The following NUP58 variants were observed in gnomAD, a reference collection of about 807,000 sequenced individuals.
The protein encoded by NUP58 is nucleoporin p58/p45.
In NUP58, 17 loss-of-function variants were observed where a neutral mutation model predicts 70.1. The observed-to-expected ratio is 0.24, with a 90% CI of 0.17 to 0.36. NUP58 has a LOEUF of 0.36. Among genes scored for constraint, NUP58 ranks in the 10% least tolerant of loss-of-function variants. NUP58 has a pLI of 1.00. For missense variants in NUP58, 644 were observed against 701.5 expected (o/e 0.92, Z 0.93); for synonymous variants, 275 against 257.6 (o/e 1.07, Z -0.65).
chr13:25,338,891 ATC>A (rs2031871276), intron 15 of NUP58, 160 bp downstream of exon 15: 3 of 500,712 alleles, frequency 6.0e-6, no homozygotes, highest in Middle Eastern at 4.8e-4. Context: ...ATTTTACTTT[ATC>A]TCTCTCATAA....
chr13:25,322,060 G>A (rs2031209505), intron 9 of NUP58, among the ~76,000 whole-genome samples: 1 of 152,168 alleles, frequency 6.6e-6, no homozygotes, highest in Non-Finnish European at 1.5e-5. Context: ...AAAGGATGAC[G>A]ATAGGTGATT....
intron 3 of NUP58, among the ~76,000 whole-genome samples, chr13:25,311,890 G>A (rs2030687763): frequency 6.6e-6 from 1 of 152,150 alleles, no homozygotes; most frequent in East Asian, 1.9e-4. Context: ...AGGAAAGGAT[G>A]TCAAGGATGA....
At position 25,331,394 on chromosome 13, in the gene NUP58, T is replaced by A. The variant is rs751322682; in HGVS notation, c.1271T>A (p.Phe424Tyr). The A allele has an allele frequency of 3.7e-6, 6 of 1,614,148 alleles. No homozygotes were observed. Among genetic ancestry groups the A allele is most frequent in the Non-Finnish European group, 5.1e-6 (6 of 1,179,996 alleles). ...CAGTACCTTGGCTACAGGAAAATGT[T>A]CTTGGGAGATGCTGTTGATGTGTTT... is the stretch of plus-strand genomic sequence containing the variant. ...KEQYLGYRKM[F>Y]LGDAVDVFET... The change falls in exon 13 of 16, where the codon TTC becomes TAC. Residue 424 changes from phenylalanine (F) to tyrosine (Y), a missense_variant. Phe to Tyr is a conservative substitution (Grantham distance 22). This residue lies in a region of NUP58 where 78 missense variants were observed against 71.3 expected (regional missense o/e 1.09). Transcript: ENST00000381736.
At chr13:25,315,287 G>A in intron 5 of NUP58, 70 bp from the exon 6 acceptor site, 2 of 1,068,544 alleles carry the variant, frequency 1.9e-6, no homozygotes, top group Non-Finnish European at 2.8e-6. Context: ...AAGCATTAGA[G>A]TCCTTTGATC....
At position 25,340,252 on chromosome 13, in the gene NUP58, TC is replaced by T; in HGVS notation, c.*121del. 9.9e-7 allele frequency: 1 copy of T among 1,008,076 alleles called. No individual in the cohort carries two copies. The highest frequency in any genetic ancestry group is 1.4e-6 in the Non-Finnish European group (1 of 738,796). 62.4% of individuals were successfully genotyped at this position (1,008,076 alleles called of 1,614,324 possible). On this transcript the variant is annotated 3_prime_UTR_variant, in exon 16 of 16. Transcript: ENST00000381736. ...GAGATTTATAAAGTTTTGATATTTT[TC>T]CCTACTCTGGAATTTGAACTTTCTT...
chr13:25,320,455 A>G lies in NUP58; in HGVS notation c.711-75A>G, dbSNP rs1051689786. The stretch of plus-strand genomic sequence containing the variant: ...ATATTTTCTTGTGTCTTAATACTCT[A>G]ATACTCTATTAAAACTCAGCTGTCA... On this transcript the variant is annotated intron_variant, in intron 7 of 15. Transcript: ENST00000381736. 9 of 986,426 alleles carry G rather than the reference A, an allele frequency of 9.1e-6. No individual in the cohort carries two copies. The African/African-American group carries it at 1.5e-4, about 16-fold the overall frequency. 61.1% of individuals were successfully genotyped at this position (986,426 alleles called of 1,614,324 possible). A position where few individuals can be genotyped will look rare whatever the true frequency, so the allele number is the denominator to read the frequency against.
At chr13:25,312,851 T>A in intron 3 of NUP58, 32 bp from the exon 4 acceptor site, 1 of 1,553,430 alleles carries the variant, frequency 6.4e-7, no homozygotes, top group East Asian at 2.4e-5. Flanking sequence ...GGATTTTTGT[T>A]TGTTTGTTTA....
At chr13:25,308,151 C>T (rs9581316) in intron 2 of NUP58, 58,228 of 441,198 alleles carry the variant, frequency 0.13, 5,689 homozygotes, top group East Asian at 0.36. Context: ...TCTGATATAA[C>T]GAAGGAAAAC....
chr13:25,319,023 A>G (rs993008500), intron 6 of NUP58, among the ~76,000 whole-genome samples: 4 of 152,284 alleles, frequency 2.6e-5, no homozygotes, highest in Admixed American at 6.5e-5. Flanking sequence ...GCTTATGTGT[A>G]CAGATGTCTT....
chr13:25,302,858 T>C, intron 1 of NUP58: 1 of 422,534 alleles, frequency 2.4e-6, no homozygotes, highest in Non-Finnish European at 4.7e-6. Context: ...CCGTTATTCT[T>C]ACTCTACTCG....
chr13:25,301,869 G>A lies in NUP58; in HGVS notation c.96G>A (p.Thr32=), dbSNP rs11556094. 7.4e-6 allele frequency: 12 copies of A among 1,611,758 alleles called. No homozygotes were observed. The Admixed American group carries it at 1.0e-4, about 13-fold the overall frequency. ...TSTGGVFSFG[T]GASSNPSVGL... is the part of the protein sequence containing the mutation. Reference sequence around the variant, plus strand: ...CAGGCGGCGTTTTCTCCTTCGGAACGGGAGCGTCTAGGTAACCGCACTTTC... The same window carrying A: ...CAGGCGGCGTTTTCTCCTTCGGAACAGGAGCGTCTAGGTAACCGCACTTTC... Residue 32 remains threonine, a synonymous_variant, in exon 1 of 16, where the codon ACG becomes ACA. Coordinates refer to ENST00000381736, the MANE Select transcript of NUP58 (RefSeq NM_014089.4).
chr13:25,324,127 G>A (rs1171541084), intron 9 of NUP58, among the ~76,000 whole-genome samples: 1 of 151,960 alleles, frequency 6.6e-6, no homozygotes, highest in African/African-American at 2.4e-5. Context: ...TCAGAGTCTT[G>A]AATCATCTAC....
chr13:25,306,841 G>T (rs1227427087), intron 1 of NUP58, among the ~76,000 whole-genome samples: 1 of 152,056 alleles, frequency 6.6e-6, no homozygotes, highest in Non-Finnish European at 1.5e-5. Flanking sequence ...TTTATCAGCT[G>T]TTCTTTTTTT....
chr13:25,322,368 A>G (rs969897032), intron 9 of NUP58, among the ~76,000 whole-genome samples: 1 of 152,250 alleles, frequency 6.6e-6, no homozygotes, highest in African/African-American at 2.4e-5. Context: ...AAGGAATTTC[A>G]AAGACTTTAT....
chr13:25,302,869 C>A, intron 1 of NUP58: 1 of 437,726 alleles, frequency 2.3e-6, no homozygotes, highest in Non-Finnish European at 4.6e-6. Flanking sequence ...ACTCTACTCG[C>A]TCAACAACAG....
downstream of NUP58, among the ~76,000 whole-genome samples, chr13:25,347,124 A>AATGT (rs1359724659): frequency 2.6e-5 from 4 of 152,076 alleles, no homozygotes; most frequent in African/African-American, 9.7e-5. Context: ...TTTTGTGTGA[A>AATGT]ATGTAGTATT....
chr13:25,320,884 A>G (rs1054509974), intron 8 of NUP58, 35 bp from the exon 9 acceptor site: 3 of 1,364,136 alleles, frequency 2.2e-6, no homozygotes, highest in Non-Finnish European at 3.0e-6. Flanking sequence ...CCAAAGATAC[A>G]TTTTTTAAAA....
At position 25,313,630 on chromosome 13, in the gene NUP58, T is replaced by C. The variant is rs140888713; in HGVS notation, c.453T>C (p.Thr151=). ...TTTTTATAGCATCCACAGGATTTACTCTAAATAATTTGGGTGGGACAACAG... is the reference window on the plus strand; with the variant it reads ...TTTTTATAGCATCCACAGGATTTACCCTAAATAATTTGGGTGGGACAACAG... ...TSTPAASTGF[T]LNNLGGTTAT... Residue 151 remains threonine, a synonymous_variant, in exon 5 of 16, where the codon ACT becomes ACC. Transcript: ENST00000381736. The C allele has an allele frequency of 2.5e-4, 382 of 1,519,010 alleles. 2 individuals are homozygous for C. The African/African-American group carries it at 5.0e-3, about 20-fold the overall frequency. 94.1% of individuals were successfully genotyped at this position (1,519,010 alleles called of 1,614,324 possible).
intron 13 of NUP58, chr13:25,334,479 A>G (rs1223645731): frequency 1.0e-6 from 1 of 985,080 alleles, no homozygotes; most frequent in Non-Finnish European, 1.2e-6. Flanking sequence ...AGTGTTAAAT[A>G]GGAAACATTA....
Sources: gnomAD v4.1 joint callset for allele counts (sites outside exome capture counted in the v4.1 genomes callset) on GRCh38, gnomAD v4.1.1 for gene constraint, gnomAD v4.1.1 regional missense constraint, MANE v1.5 for transcripts, NCBI Gene and HGNC (gene_info 2026-07-23, HGNC 2026-07-21) for gene names.